The following DOP1A variants were observed in gnomAD, a reference collection of about 807,000 sequenced individuals.
DOP1A encodes DOP1 leucine zipper like protein A, also known as protein DOP1A.
A neutral mutation model predicts 267.6 loss-of-function variants in DOP1A; 90 were observed. The ratio of observed to expected loss-of-function variants is 0.34; its 90% CI spans 0.28 to 0.40. DOP1A has a LOEUF of 0.40. DOP1A is among the 10% of genes least tolerant of loss of function. DOP1A has a pLI of 1.00. For synonymous variants in DOP1A, 932 were observed against 999.1 expected, an observed-to-expected ratio of 0.93 and a Z score of 1.27; for missense variants, 2,437 against 2,900.4, an observed-to-expected ratio of 0.84 and a Z score of 3.67.
At chr6:83,126,691 G>A (rs192699919) in intron 15 of DOP1A, among the ~76,000 whole-genome samples, 17 of 152,202 alleles carry the variant, frequency 1.1e-4, no homozygotes, top group African/African-American at 4.1e-4. Context: ...TAGAGGAATT[G>A]GTGTGGTGAG....
At chr6:83,082,122 A>G (rs1054629763) in intron 1 of DOP1A, among the ~76,000 whole-genome samples, 1 of 149,006 alleles carries the variant, frequency 6.7e-6, no homozygotes, top group South Asian at 2.1e-4. Flanking sequence ...GGGGCCTCAA[A>G]AAATGAAAAA....
Position 83,122,877 on chromosome 6 carries a change from A to T in DOP1A, c.1235A>T (p.Asn412Ile), listed in dbSNP as rs1371122646. The T allele has an allele frequency of 1.3e-6, 2 of 1,486,954 alleles. No homozygotes were observed. Among genetic ancestry groups the T allele is most frequent in the Non-Finnish European group, 1.8e-6 (2 of 1,116,886 alleles). The allele number at this position is 1,486,954 out of a possible 1,614,324, so 92.1% of individuals were successfully genotyped here. ...TCTTTTTTCAGTAAATTAAGAGAAA[A>T]TAAGAAAACAGCAGAGCTGATTAAA... ...HAQLSSKLRENKKTAELIKTA... is the reference protein window; with the variant it reads ...HAQLSSKLREIKKTAELIKTA... The change falls in exon 12 of 39, where the codon AAT (asparagine) becomes ATT (isoleucine). Residue 412 changes from asparagine to isoleucine, a missense_variant. By Grantham distance (149) the Asn-to-Ile change is moderately radical. Around this residue, in one of 9 missense-constraint regions of DOP1A, gnomAD observed 498 missense variants for 513.5 expected, o/e 0.97. Transcript: ENST00000349129.
intron 27 of DOP1A, among the ~76,000 whole-genome samples, chr6:83,151,253 C>T (rs1237116036): frequency 6.6e-6 from 1 of 152,184 alleles, no homozygotes; most frequent in Non-Finnish European, 1.5e-5. Context: ...GCCTTGGCCT[C>T]AAGCAATTCT....
intron 10 of DOP1A, among the ~76,000 whole-genome samples, chr6:83,121,438 T>G (rs1034661221): frequency 1.1e-4 from 17 of 151,848 alleles, no homozygotes; most frequent in African/African-American, 3.9e-4. Context: ...CAGGAATTTT[T>G]TTAAGGAAAT....
chr6:83,092,560 C>T (rs1365177323), intron 1 of DOP1A, among the ~76,000 whole-genome samples: 8 of 110,438 alleles, frequency 7.2e-5, no homozygotes, highest in Admixed American at 2.0e-4. Flanking sequence ...TGTCCCTCCC[C>T]CCCCCCCCAC....
intron 35 of DOP1A, among the ~76,000 whole-genome samples, chr6:83,157,801 G>T (rs189627884): frequency 1.3e-5 from 2 of 152,122 alleles, no homozygotes; most frequent in East Asian, 3.9e-4. Context: ...CTACCAAACG[G>T]TAAAACCTTC....
rs570971724 is a variant in DOP1A at position 83,125,357 on chromosome 6, T to C, written c.1486-143T>C. On this transcript the variant is annotated intron_variant, in intron 14 of 38. Coordinates refer to ENST00000349129, the MANE Select transcript of DOP1A (RefSeq NM_015018.4). ...TAGAAATTTTATAAGGCATCAGTAA[T>C]AAAATATACAGTGTTAATTAAGAGC... 54 of 1,015,560 alleles carry C rather than the reference T, an allele frequency of 5.3e-5. 1 individual carries two copies. In the South Asian group the frequency reaches 9.6e-4, roughly 18 times the overall value. The allele number at this position is 1,015,560 out of a possible 1,614,324, so 62.9% of individuals were successfully genotyped here. A position where few individuals can be genotyped will look rare whatever the true frequency, so the allele number is the denominator to read the frequency against.
chr6:83,086,739 T>G (rs1396646637), intron 1 of DOP1A, among the ~76,000 whole-genome samples: 3 of 152,156 alleles, frequency 2.0e-5, no homozygotes, highest in Non-Finnish European at 4.4e-5. Context: ...CGGGTTTTTT[T>G]CCTGGAGGGA....
chr6:83,168,246 T>C lies in DOP1A; in HGVS notation c.*79T>C, dbSNP rs1786335406. On this transcript the variant is annotated 3_prime_UTR_variant, in exon 39 of 39. Coordinates refer to ENST00000349129, the MANE Select transcript of DOP1A (RefSeq NM_015018.4). ...ACACACTGCTCTGCGTTGTATAGTT[T>C]TTCCTTTTTTGTATGTAACAGAACA... The C allele has an allele frequency of 1.3e-6, 2 of 1,481,990 alleles. No individual in the cohort carries two copies. Among genetic ancestry groups the C allele is most frequent in the Non-Finnish European group, 1.8e-6 (2 of 1,124,056 alleles). 91.8% of individuals were successfully genotyped at this position (1,481,990 alleles called of 1,614,324 possible).
intron 1 of DOP1A, among the ~76,000 whole-genome samples, chr6:83,092,310 A>T (rs946972007): frequency 6.6e-6 from 1 of 152,200 alleles, no homozygotes; most frequent in Admixed American, 6.5e-5. Context: ...ATTGTAAGTT[A>T]TGTGTTGTCC....
At chr6:83,132,024 A>G (rs938735126) in intron 17 of DOP1A, 152 bp from the exon 18 acceptor site, 5 of 766,966 alleles carry the variant, frequency 6.5e-6, no homozygotes, top group Admixed American at 5.4e-5. Context: ...GGTACATGGA[A>G]GACTGCCTTA....
intron 28 of DOP1A, 54 bp downstream of exon 28, chr6:83,151,713 A>C: frequency 4.6e-6 from 7 of 1,528,906 alleles, no homozygotes; most frequent in African/African-American, 1.4e-5. Context: ...CCTCAATTTG[A>C]AAATGAGAGA....
Position 83,132,282 on chromosome 6 carries a change from G to A in DOP1A, c.2723G>A (p.Ser908Asn), listed in dbSNP as rs1051617679. The change falls in exon 18 of 39, where the codon AGC (serine) becomes AAC (asparagine). Residue 908 changes from serine to asparagine, a missense_variant. This residue lies in a region of DOP1A where 878 missense variants were observed against 992.9 expected (regional missense o/e 0.88). Coordinates refer to ENST00000349129, the MANE Select transcript of DOP1A (RefSeq NM_015018.4). ...TTACATAACTTAGTTCCTTCTTCTA[G>A]CATCTGTGAGGATGTTATAAGTCAG... is the stretch of plus-strand genomic sequence containing the variant. ...YQLHNLVPSS[S>N]ICEDVISQQL... 2 of 1,613,522 alleles carry A rather than the reference G, an allele frequency of 1.2e-6. No homozygotes were observed. Among genetic ancestry groups the A allele is most frequent in the East Asian group, 2.2e-5 (1 of 44,864 alleles).
chr6:83,124,757 T>A lies in DOP1A; in HGVS notation c.1393T>A (p.Ser465Thr). The change falls in exon 13 of 39, where the codon TCT becomes ACT. Residue 465 changes from serine to threonine, a missense_variant. This residue lies in a region of DOP1A where 498 missense variants were observed against 513.5 expected (regional missense o/e 0.97). Transcript: ENST00000349129. Reference protein sequence around the residue: ...QIGPGDSNDSSELQLTNFCLL... With the variant: ...QIGPGDSNDSTELQLTNFCLL... ...TGGACCTGGAGATAGTAATGACTCA[T>A]CTGAATTACAGCTGACCAATTTCTG... is the stretch of plus-strand genomic sequence containing the variant. 2 of 1,613,372 alleles carry A rather than the reference T, an allele frequency of 1.2e-6. No individual in the cohort carries two copies. The highest frequency in any genetic ancestry group is 3.3e-5 in the Admixed American group (2 of 59,924).
chr6:83,121,875 G>A (rs1306601455), intron 10 of DOP1A, 55 bp from the exon 11 acceptor site: 14 of 1,517,940 alleles, frequency 9.2e-6, no homozygotes, highest in African/African-American at 1.4e-5. Flanking sequence ...TTTCAGATAA[G>A]CATGATTTGC....
downstream of DOP1A, chr6:83,169,581 A>C: frequency 4.1e-6 from 2 of 488,330 alleles, no homozygotes; most frequent in South Asian, 2.0e-5. Context: ...ATCATTCCAC[A>C]ACTGAAAAAA....
chr6:83,123,417 C>T (rs1336865772), intron 12 of DOP1A, among the ~76,000 whole-genome samples: 1 of 151,972 alleles, frequency 6.6e-6, no homozygotes, highest in Non-Finnish European at 1.5e-5. Flanking sequence ...AAGCCTTCTA[C>T]CCCTTAGCAA....
At chr6:83,116,478 C>T (rs1173811353) in intron 7 of DOP1A, among the ~76,000 whole-genome samples, 1 of 152,070 alleles carries the variant, frequency 6.6e-6, no homozygotes, top group East Asian at 1.9e-4. Context: ...AACTTTTAAG[C>T]CCAGTATTGA....
chr6:83,151,508 G>A (rs1042683530), intron 27 of DOP1A, 85 bp from the exon 28 acceptor site: 32 of 1,035,624 alleles, frequency 3.1e-5, no homozygotes, highest in Non-Finnish European at 3.8e-5. Context: ...CCATTAAGCC[G>A]CTTAACTCAT....
Sources: gnomAD v4.1 joint callset for allele counts (sites outside exome capture counted in the v4.1 genomes callset) on GRCh38, gnomAD v4.1.1 for gene constraint, gnomAD v4.1.1 regional missense constraint, MANE v1.5 for transcripts, NCBI Gene and HGNC (gene_info 2026-07-23, HGNC 2026-07-21) for gene names.